SIDT1: variants seen among roughly 807,000 people sequenced by gnomAD.
SIDT1 encodes SID1 transmembrane family member 1, also known as SID1 transmembrane family, member 1.
A neutral mutation model predicts 107.5 loss-of-function variants in SIDT1; 101 were observed. The observed-to-expected ratio is 0.94, with a 90% CI of 0.80 to 1.11. The LOEUF (loss-of-function observed/expected upper bound fraction) is 1.11. SIDT1 is among the 50% of genes least tolerant of loss of function. The pLI is 0.00. For missense variants in SIDT1, 1,076 were observed against 1,058.2 expected, an observed-to-expected ratio of 1.02 and a Z score of -0.23; for synonymous variants, 395 against 398.2, an observed-to-expected ratio of 0.99 and a Z score of 0.10.
At chr3:113,584,994 T>C (rs1430521957) in intron 8 of SIDT1, among the ~76,000 whole-genome samples, 183 bp from the exon 9 acceptor site, 1 of 152,154 alleles carries the variant, frequency 6.6e-6, no homozygotes, top group Non-Finnish European at 1.5e-5. Context: ...GAAGTCATCA[T>C]TGTGAAAGGT....
rs537507350 is a variant in SIDT1, at chr3:113,602,959, A to G, written c.1118-46A>G. ...TTTTGCAGAGACGAATGGGCTCCGT[A>G]GGCTCTCCACGGCTTTTGATGGCAG... On this transcript the variant is annotated intron_variant, in intron 11 of 24. Transcript: ENST00000264852. 132 of 1,602,906 alleles carry G rather than the reference A, an allele frequency of 8.2e-5. 2 individuals are homozygous for G. Among genetic ancestry groups the G allele is most frequent in the South Asian group, 7.9e-4 (71 of 89,676 alleles).
chr3:113,625,860 G>C (rs959640813), intron 23 of SIDT1: 1 of 417,308 alleles, frequency 2.4e-6, no homozygotes, highest in Non-Finnish European at 4.3e-6. Context: ...CACTTTGTTC[G>C]TCATTTCCTT....
At chr3:113,603,288 A>T in intron 12 of SIDT1, 138 bp downstream of exon 12, 2 of 872,518 alleles carry the variant, frequency 2.3e-6, no homozygotes, top group South Asian at 3.6e-5. Flanking sequence ...AATCAAATGT[A>T]CCTACAGACT....
intron 17 of SIDT1, among the ~76,000 whole-genome samples, chr3:113,608,834 T>C (rs1274299824): frequency 1.3e-5 from 2 of 152,200 alleles, no homozygotes; most frequent in Non-Finnish European, 2.9e-5. Flanking sequence ...ATCCCTTTGA[T>C]TGTACCCAGC....
At chr3:113,623,390 A>G in intron 21 of SIDT1, 37 bp from the exon 22 acceptor site, 2 of 1,387,498 alleles carry the variant, frequency 1.4e-6, no homozygotes, top group Non-Finnish European at 2.1e-6. Context: ...TTACAAATCC[A>G]CCTTCACGGC....
chr3:113,625,920 G>T, intron 23 of SIDT1, 182 bp from the exon 24 acceptor site: 1 of 561,288 alleles, frequency 1.8e-6, no homozygotes, highest in Non-Finnish European at 3.2e-6. Flanking sequence ...CTCTATTTTT[G>T]CTTTGGTTGC....
At chr3:113,618,477 G>A (rs979310996) in intron 20 of SIDT1, among the ~76,000 whole-genome samples, 1 of 152,212 alleles carries the variant, frequency 6.6e-6, no homozygotes, top group Admixed American at 6.5e-5. Context: ...GCAATCATAA[G>A]TTTAGTTTTG....
At chr3:113,605,124 CTTTT>C (rs5851901) in intron 14 of SIDT1, 148 bp downstream of exon 14, 2,194 of 345,822 alleles carry the variant, frequency 6.3e-3, no homozygotes, top group Non-Finnish European at 7.1e-3. Context: ...ATTGCTTCCT[CTTTT>C]TTTTTTTTTT....
In SIDT1 at chr3:113,542,902, T is replaced by TG. The variant is rs1939083921; in HGVS notation, c.222+9659_222+9660insG. Among the ~76,000 whole-genome samples the TG allele has an allele frequency of 1.8e-3, 257 of 145,246 alleles. 2 individuals are homozygous for TG. The East Asian group carries it at 0.032, about 18-fold the overall frequency. Reference sequence around the variant, plus strand: ...AGACTTTTAATTAGTTTTTGCTTGGTTGTGTGTGTGTGTGTGTGTGTGTGT... The same window carrying TG: ...AGACTTTTAATTAGTTTTTGCTTGGTGTGTGTGTGTGTGTGTGTGTGTGTGT... On this transcript the variant is annotated intron_variant, in intron 1 of 24. Transcript: ENST00000264852.
chr3:113,594,636 A>G lies in SIDT1; in HGVS notation c.1045+1588A>G, dbSNP rs1576891926. Among the ~76,000 whole-genome samples the G allele has an allele frequency of 2.0e-5, 3 of 152,186 alleles. No homozygotes were observed. The South Asian group carries it at 6.2e-4, about 31-fold the overall frequency. On this transcript the variant is annotated intron_variant, in intron 10 of 24. Coordinates refer to ENST00000264852, the MANE Select transcript of SIDT1 (RefSeq NM_017699.3). Reference sequence around the variant, plus strand: ...ACAAAGCTGGGACTTGAGCCAGATCATTGTCCAGGTTCAGGGAGGCTCTGA... The same window carrying G: ...ACAAAGCTGGGACTTGAGCCAGATCGTTGTCCAGGTTCAGGGAGGCTCTGA...
At position 113,604,963 on chromosome 3, in the gene SIDT1, T is replaced by C; in HGVS notation, c.1391T>C (p.Ile464Thr). The C allele has an allele frequency of 6.2e-7, 1 of 1,613,982 alleles. No individual in the cohort carries two copies. Among genetic ancestry groups the C allele is most frequent in the South Asian group, 1.1e-5 (1 of 91,084 alleles). ...GCGCTGCCCGTGATCCAGCTGGTCA[T>C]TACCTATCAGACAGTAAGTGCTGCC... ...FYALPVIQLV[I>T]TYQTVVNVTG... is the part of the protein sequence containing the mutation. Residue 464 changes from isoleucine to threonine, a missense_variant, in exon 14 of 25, where the codon ATT becomes ACT. By Grantham distance (89) the Ile-to-Thr change is moderately conservative. Transcript: ENST00000264852.
At position 113,574,801 on chromosome 3, in the gene SIDT1, C is replaced by T. The variant is rs1942770205; in HGVS notation, c.516-2121C>T. Among the ~76,000 whole-genome samples, 3 of 152,090 alleles carry T rather than the reference C, an allele frequency of 2.0e-5. No individual in the cohort carries two copies. The South Asian group carries it at 6.2e-4, about 32-fold the overall frequency. ...TCTTATGTTTAACAAATAAACATAA[C>T]ATAAACATGTTAAAATGTGTTTAAT... is the stretch of plus-strand genomic sequence containing the variant. On this transcript the variant is annotated intron_variant, in intron 3 of 24. Transcript: ENST00000264852.
intron 5 of SIDT1, 73 bp from the exon 6 acceptor site, chr3:113,581,288 C>G: frequency 8.2e-7 from 1 of 1,214,328 alleles, no homozygotes; most frequent in Non-Finnish European, 1.2e-6. Flanking sequence ...AAGATGCTGA[C>G]AGGACCTATG....
At chr3:113,577,236 T>C (rs1942971872) in intron 4 of SIDT1, among the ~76,000 whole-genome samples, 1 of 152,226 alleles carries the variant, frequency 6.6e-6, no homozygotes, top group Non-Finnish European at 1.5e-5. Context: ...GAAAATCGTG[T>C]GCCCACTATG....
intron 1 of SIDT1, among the ~76,000 whole-genome samples, chr3:113,549,827 CCTCAATTTTT>C (rs1382436590): frequency 1.3e-5 from 2 of 152,010 alleles, no homozygotes; most frequent in Non-Finnish European, 2.9e-5. Flanking sequence ...TCAAAAGTCA[CCTCAATTTTT>C]CTCCTACGCT....
chr3:113,630,854 G>A (rs1947087500), downstream of SIDT1, among the ~76,000 whole-genome samples: 1 of 152,178 alleles, frequency 6.6e-6, no homozygotes, highest in South Asian at 2.1e-4. Flanking sequence ...GGCAGGGCAA[G>A]AGTGGATCCA....
At chr3:113,564,149 T>C (rs1941697973) in intron 1 of SIDT1, among the ~76,000 whole-genome samples, 1 of 152,160 alleles carries the variant, frequency 6.6e-6, no homozygotes, top group African/African-American at 2.4e-5. Flanking sequence ...GGTATCTCCA[T>C]GTTGGTCAGG....
chr3:113,580,761 AG>A (rs1943266263), intron 5 of SIDT1, 52 bp downstream of exon 5: 1 of 1,158,950 alleles, frequency 8.6e-7, no homozygotes, highest in African/African-American at 1.5e-5. Context: ...ATATTATTCC[AG>A]AACAAATGAA....
At chr3:113,575,683 T>C (rs1567779) in intron 3 of SIDT1, among the ~76,000 whole-genome samples, 39,631 of 152,146 alleles carry the variant, frequency 0.26, 5,641 homozygotes, top group East Asian at 0.59. Flanking sequence ...CCTTTATAAA[T>C]AGTGCTCAAA....
Sources: gnomAD v4.1 joint callset for allele counts (sites outside exome capture counted in the v4.1 genomes callset) on GRCh38, gnomAD v4.1.1 for gene constraint, MANE v1.5 for transcripts, NCBI Gene and HGNC (gene_info 2026-07-23, HGNC 2026-07-21) for gene names.